CNTN4: variants seen among roughly 807,000 people sequenced by gnomAD.
CNTN4 encodes contactin-4.
In CNTN4, 77 loss-of-function variants were observed where a neutral mutation model predicts 122.5. The ratio of observed to expected loss-of-function variants is 0.63; its 90% CI spans 0.52 to 0.76. The LOEUF (loss-of-function observed/expected upper bound fraction) is 0.76, where lower values mean the gene tolerates loss of function less well. CNTN4 is among the 30% of genes least tolerant of loss of function. The pLI is 0.00. For synonymous variants in CNTN4, 512 were observed against 447.0 expected, an observed-to-expected ratio of 1.15 and a Z score of -1.83; for missense variants, 1,256 against 1,259.1, an observed-to-expected ratio of 1.00 and a Z score of 0.04.
At chr3:2,855,810 TTTTC>T (rs1305993635) in intron 7 of CNTN4, among the ~76,000 whole-genome samples, 3 of 152,222 alleles carry the variant, frequency 2.0e-5, no homozygotes, top group Non-Finnish European at 2.9e-5. Flanking sequence ...GTCAGTCATA[TTTTC>T]TTTCTGTCTT....
At chr3:2,271,310 G>T (rs1483733812) in intron 2 of CNTN4, among the ~76,000 whole-genome samples, 1 of 152,088 alleles carries the variant, frequency 6.6e-6, no homozygotes, top group East Asian at 1.9e-4. Flanking sequence ...TTACAGCTGG[G>T]CTGTAATCTT....
intron 3 of CNTN4, among the ~76,000 whole-genome samples, chr3:2,446,707 T>G (rs1013019794): frequency 3.3e-5 from 5 of 152,212 alleles, no homozygotes; most frequent in Non-Finnish European, 7.3e-5. Flanking sequence ...TTAGATGAGT[T>G]GCATCAGCAT....
chr3:2,104,290 T>G (rs2032250317), intron 2 of CNTN4, among the ~76,000 whole-genome samples: 1 of 151,568 alleles, frequency 6.6e-6, no homozygotes, highest in African/African-American at 2.4e-5. Flanking sequence ...TTAATGGGGT[T>G]GGAGGGCTGG....
chr3:2,854,975 TATG>T (rs2093602638), intron 7 of CNTN4, among the ~76,000 whole-genome samples: 2 of 152,218 alleles, frequency 1.3e-5, no homozygotes, highest in South Asian at 4.1e-4. Context: ...TTCTATTAAT[TATG>T]ATTTGTCCAG....
chr3:2,921,696 TTTC>T (rs1003098125), intron 12 of CNTN4, among the ~76,000 whole-genome samples: 10 of 152,342 alleles, frequency 6.6e-5, no homozygotes, highest in Middle Eastern at 3.4e-3. Context: ...ACAATAATCC[TTTC>T]TTCTTCAATA....
chr3:2,186,741 G>C (rs1330921073), intron 2 of CNTN4, among the ~76,000 whole-genome samples: 2 of 152,162 alleles, frequency 1.3e-5, no homozygotes, highest in Admixed American at 1.3e-4. Flanking sequence ...TCTGAGAAGT[G>C]TCTGTTCATA....
intron 13 of CNTN4, among the ~76,000 whole-genome samples, chr3:2,987,012 T>G (rs1694643466): frequency 6.6e-6 from 1 of 152,154 alleles, no homozygotes. Flanking sequence ...AGAACCACCG[T>G]AAACAGTGAG....
intron 2 of CNTN4, among the ~76,000 whole-genome samples, chr3:2,170,134 A>G (rs917340155): frequency 1.7e-4 from 26 of 151,872 alleles, no homozygotes; most frequent in Non-Finnish European, 2.5e-4. Context: ...ATCCTGGCTA[A>G]CACGGTGAAA....
intron 3 of CNTN4, among the ~76,000 whole-genome samples, chr3:2,504,425 T>C (rs759385334): frequency 2.6e-5 from 4 of 152,192 alleles, no homozygotes; most frequent in Admixed American, 6.5e-5. Context: ...CAATGGCATC[T>C]GTTGCCACCA....
intron 3 of CNTN4, among the ~76,000 whole-genome samples, chr3:2,559,278 G>C (rs1419124839): frequency 6.6e-6 from 1 of 152,136 alleles, no homozygotes; most frequent in Admixed American, 6.5e-5. Context: ...TGCAGAGAAT[G>C]GCAAACTTCG....
At chr3:3,010,858 G>C (rs1697156101) in intron 14 of CNTN4, among the ~76,000 whole-genome samples, 1 of 152,102 alleles carries the variant, frequency 6.6e-6, no homozygotes, top group Admixed American at 6.5e-5. Context: ...CCACTAACAT[G>C]ATAAGCATTC....
chr3:2,174,049 A>G (rs1367994431), intron 2 of CNTN4, among the ~76,000 whole-genome samples: 1 of 152,140 alleles, frequency 6.6e-6, no homozygotes, highest in Non-Finnish European at 1.5e-5. Context: ...CATCAGGTAC[A>G]AGCTAAATGA....
At chr3:2,178,051 A>G (rs200783473) in intron 2 of CNTN4, among the ~76,000 whole-genome samples, 6 of 152,052 alleles carry the variant, frequency 3.9e-5, no homozygotes, top group Non-Finnish European at 8.8e-5. Flanking sequence ...AGTCATTACC[A>G]TTCACTTCAT....
At chr3:2,133,571 T>A (rs2034550651) in intron 2 of CNTN4, among the ~76,000 whole-genome samples, 1 of 152,256 alleles carries the variant, frequency 6.6e-6, no homozygotes, top group Admixed American at 6.5e-5. Context: ...GAGTCTCTGA[T>A]TTCTGTTTTT....
At chr3:2,840,428 C>G (rs570282834) in intron 7 of CNTN4, among the ~76,000 whole-genome samples, 2 of 151,774 alleles carry the variant, frequency 1.3e-5, no homozygotes, top group South Asian at 4.2e-4. Flanking sequence ...GGGGCCGGCG[C>G]GGTGGCTCAC....
At position 2,970,379 on chromosome 3, in the gene CNTN4, G is replaced by A. The variant is rs548137167; in HGVS notation, c.1359-17966G>A. On this transcript the variant is annotated intron_variant, in intron 13 of 24. Transcript: ENST00000418658. ...CCCAAAGCACTAGGATTATAGGCAT[G>A]AGCCACTGCACGTGGACTAATAGGC... Among the ~76,000 whole-genome samples, 8 of 152,254 alleles carry A rather than the reference G, an allele frequency of 5.3e-5. No homozygotes were observed. In the East Asian group the frequency reaches 1.4e-3, roughly 26 times the overall value.
chr3:2,644,664 A>G (rs1366338554), intron 4 of CNTN4, among the ~76,000 whole-genome samples: 2 of 150,574 alleles, frequency 1.3e-5, no homozygotes, highest in Non-Finnish European at 2.9e-5. Context: ...ACCATGCCCT[A>G]TAGGGTCTGT....
chr3:2,271,073 A>G (rs2041275116), intron 2 of CNTN4, among the ~76,000 whole-genome samples: 1 of 152,298 alleles, frequency 6.6e-6, no homozygotes, highest in Admixed American at 6.5e-5. Flanking sequence ...TATAGATGGT[A>G]GAAAACGAAA....
intron 3 of CNTN4, among the ~76,000 whole-genome samples, chr3:2,508,987 T>C (rs1462457251): frequency 6.6e-6 from 1 of 152,230 alleles, no homozygotes; most frequent in Non-Finnish European, 1.5e-5. Context: ...AATTAACACC[T>C]ACCATTAAAA....
Sources: gnomAD v4.1 joint callset for allele counts (sites outside exome capture counted in the v4.1 genomes callset) on GRCh38, gnomAD v4.1.1 for gene constraint, MANE v1.5 for transcripts, NCBI Gene and HGNC (gene_info 2026-07-23, HGNC 2026-07-21) for gene names.